The following DPP3 variants were observed in gnomAD, a reference collection of about 807,000 sequenced individuals.
DPP3 encodes dipeptidyl peptidase 3, also known as DPP III.
Under a neutral mutation model 89.8 loss-of-function variants are expected in DPP3, and 64 were observed. That is an observed-to-expected ratio of 0.71 (90% CI 0.58 to 0.88). The LOEUF (loss-of-function observed/expected upper bound fraction) is 0.88, where lower values mean the gene tolerates loss of function less well. Among genes scored for constraint, DPP3 ranks in the 40% least tolerant of loss-of-function variants. The pLI is 0.00. For synonymous variants in DPP3, 377 were observed against 404.3 expected (o/e 0.93, Z 0.81); for missense variants, 835 against 972.5 (o/e 0.86, Z 1.88).
chr11:66,506,925 C>T (rs1469045654), intron 17 of DPP3, among the ~76,000 whole-genome samples: 1 of 151,986 alleles, frequency 6.6e-6, no homozygotes, highest in African/African-American at 2.4e-5. Context: ...GCCCATCACG[C>T]TTGCCCATTT....
intron 16 of DPP3, among the ~76,000 whole-genome samples, chr11:66,502,623 G>A (rs1435838775): frequency 2.0e-5 from 3 of 151,998 alleles, no homozygotes; most frequent in Non-Finnish European, 2.9e-5. Flanking sequence ...GCACCCGCCT[G>A]GCTAATTTTT....
chr11:66,493,705 G>GTGAAGC (rs1413286033), intron 12 of DPP3, 72 bp downstream of exon 12: 1 of 1,474,180 alleles, frequency 6.8e-7, no homozygotes, highest in African/African-American at 1.4e-5. Flanking sequence ...CTACCCAGCG[G>GTGAAGC]TGAAGCTGCT....
At chr11:66,483,125 C>T (rs1445587555) in intron 2 of DPP3, 1 of 151,680 alleles carries the variant, frequency 6.6e-6, no homozygotes, top group Non-Finnish European at 1.5e-5. Flanking sequence ...CTCCCAGGTT[C>T]AAGCACTTCT....
intron 15 of DPP3, among the ~76,000 whole-genome samples, chr11:66,496,407 A>C (rs1855536929): frequency 7.1e-6 from 1 of 140,390 alleles, no homozygotes; most frequent in African/African-American, 2.7e-5. Flanking sequence ...ACACCCGGCT[A>C]ATTTTTTGTA....
At chr11:66,488,283 C>T (rs553650307) in intron 6 of DPP3, among the ~76,000 whole-genome samples, 11 of 152,316 alleles carry the variant, frequency 7.2e-5, no homozygotes, top group African/African-American at 2.6e-4. Context: ...CCCTTCAGGC[C>T]GGGCATGGCA....
chr11:66,495,548 G>A (rs540001484), intron 14 of DPP3, 59 bp downstream of exon 14: 137 of 1,611,890 alleles, frequency 8.5e-5, no homozygotes, highest in African/African-American at 3.2e-4. Context: ...CCCTGGGGGC[G>A]TGGAGGGTGG....
At chr11:66,485,904 C>T in intron 3 of DPP3, among the ~76,000 whole-genome samples, 1 of 147,960 alleles carries the variant, frequency 6.8e-6, no homozygotes, top group East Asian at 1.9e-4. Flanking sequence ...CAGCACCACA[C>T]CAGCTAAATT....
At chr11:66,506,159 C>A (rs982462622) in intron 17 of DPP3, among the ~76,000 whole-genome samples, 2 of 152,116 alleles carry the variant, frequency 1.3e-5, no homozygotes, top group Non-Finnish European at 2.9e-5. Flanking sequence ...ACTATGTTGG[C>A]TAGGCTGGTC....
intron 1 of DPP3, among the ~76,000 whole-genome samples, chr11:66,481,647 A>T (rs1855084673): frequency 6.6e-6 from 1 of 151,636 alleles, no homozygotes; most frequent in African/African-American, 2.4e-5. Context: ...AGTTAGAGTC[A>T]ATCAATTTTT....
At chr11:66,497,621 T>A (rs1855573195) in intron 16 of DPP3, 144 bp downstream of exon 16, 1 of 1,214,028 alleles carries the variant, frequency 8.2e-7, no homozygotes, top group Non-Finnish European at 1.1e-6. Context: ...GCGCACCGGG[T>A]GCCTCACGCC....
intron 17 of DPP3, among the ~76,000 whole-genome samples, chr11:66,505,116 GGGGGTCAGGTGAGGA>G (rs759657934): frequency 1.3e-5 from 2 of 152,200 alleles, no homozygotes; most frequent in Non-Finnish European, 2.9e-5. Context: ...TACCCAGGCT[GGGGGTCAGGTGAGGA>G]GGGAGCTGGG....
At chr11:66,489,086 A>C (rs1330475017) in intron 6 of DPP3, among the ~76,000 whole-genome samples, 1 of 152,158 alleles carries the variant, frequency 6.6e-6, no homozygotes, top group Non-Finnish European at 1.5e-5. Context: ...GCTGGTCCTG[A>C]ACTCCTGACC....
At position 66,491,468 on chromosome 11, in the gene DPP3, G is replaced by A. The variant is rs199927340; in HGVS notation, c.799-26G>A. On this transcript the variant is annotated intron_variant, in intron 7 of 17. Coordinates refer to ENST00000531863, the MANE Select transcript of DPP3 (RefSeq NM_130443.4). ...GTGTGGAGGTGGGTGGGTGGCCCGA[G>A]GCTGACCGACCCCCGCTCACCTCAG... 4.9e-5 allele frequency: 79 copies of A among 1,597,250 alleles called. No individual in the cohort carries two copies. In the East Asian group the frequency reaches 5.8e-4, roughly 12 times the overall value.
chr11:66,486,967 T>C (rs1855246648), intron 4 of DPP3, among the ~76,000 whole-genome samples: 1 of 151,966 alleles, frequency 6.6e-6, no homozygotes, highest in Admixed American at 6.6e-5. Flanking sequence ...GAGGAGGGGA[T>C]GGCAGGGAAG....
rs181596308 is a variant in DPP3, at chr11:66,504,716, G to A, written c.1983G>A (p.Thr661=). ...AGTGCTTCCTCACCCTCAGGGACACGGTGCTGCTGCGTAAGGAATCTCGGA... is the reference window on the plus strand; with the variant it reads ...AGTGCTTCCTCACCCTCAGGGACACAGTGCTGCTGCGTAAGGAATCTCGGA... ...PPECFLTLRD[T]VLLRKESRKL... The change falls in exon 17 of 18, where the codon ACG becomes ACA. Residue 661 remains threonine, a synonymous_variant. Transcript: ENST00000531863. The A allele has an allele frequency of 1.1e-5, 18 of 1,613,140 alleles. No individual in the cohort carries two copies. Among genetic ancestry groups the A allele is most frequent in the African/African-American group, 9.3e-5 (7 of 74,956 alleles).
At chr11:66,494,135 T>C (rs1187907451) in intron 12 of DPP3, among the ~76,000 whole-genome samples, 2 of 152,084 alleles carry the variant, frequency 1.3e-5, no homozygotes, top group Non-Finnish European at 1.5e-5. Context: ...GAGCCACTTC[T>C]CCCCAGAGCA....
chr11:66,482,298 A>G lies in DPP3; in HGVS notation c.98A>G (p.Tyr33Cys), dbSNP rs756979162. 3.7e-6 allele frequency: 6 copies of G among 1,613,980 alleles called. No individual in the cohort carries two copies. Among genetic ancestry groups the G allele is most frequent in the African/African-American group, 1.3e-5 (1 of 74,930 alleles). Residue 33 changes from tyrosine to cysteine, a missense_variant, in exon 2 of 18, where the codon TAT (tyrosine) becomes TGT (cysteine). Tyr to Cys is a radical substitution (Grantham distance 194). Transcript: ENST00000531863. ...CTGCTGTCACCCACAGAGCGCCTCTATGCCTACCACCTGTCCCGTGCCGCC... is the reference window on the plus strand; with the variant it reads ...CTGCTGTCACCCACAGAGCGCCTCTGTGCCTACCACCTGTCCCGTGCCGCC... ...FRLLSPTERLYAYHLSRAAWY... is the reference protein window; with the variant it reads ...FRLLSPTERLCAYHLSRAAWY...
rs202132055 is a variant in DPP3 at position 66,485,190 on chromosome 11, C to T, written c.288C>T (p.Ala96=). The change falls in exon 3 of 18, where the codon GCC becomes GCT. Residue 96 remains alanine, a synonymous_variant. Transcript: ENST00000531863. ...EEEYQAFLVY[A]AGVYSNMGNY... is the part of the protein sequence containing the mutation. ...CCCCTCAGGCGTTCCTGGTCTATGC[C>T]GCGGGTGTTTACTCCAACATGGGCA... is the stretch of plus-strand genomic sequence containing the variant. 17 of 1,613,962 alleles carry T rather than the reference C, an allele frequency of 1.1e-5. 1 individual carries two copies. The highest frequency in any genetic ancestry group is 2.2e-5 in the East Asian group (1 of 44,900).
At position 66,491,330 on chromosome 11, in the gene DPP3, G is replaced by C; in HGVS notation, c.745G>C (p.Gly249Arg). The change falls in exon 7 of 18, where the codon GGG becomes CGG. Residue 249 changes from glycine (G) to arginine (R), a missense_variant. By Grantham distance (125) the Gly-to-Arg change is moderately radical. Transcript: ENST00000531863. ...GGGAAGCCCTTTCCAGGTGACCCGG[G>C]GGGACTACGCGCCCATCCTCCAGAA... Reference protein sequence around the residue: ...FRGSPFQVTRGDYAPILQKVV... With the variant: ...FRGSPFQVTRRDYAPILQKVV... 6.2e-7 allele frequency: 1 copy of C among 1,614,060 alleles called. No homozygotes were observed. Among genetic ancestry groups the C allele is most frequent in the East Asian group, 2.2e-5 (1 of 44,846 alleles).
Sources: gnomAD v4.1 joint callset for allele counts (sites outside exome capture counted in the v4.1 genomes callset) on GRCh38, gnomAD v4.1.1 for gene constraint, MANE v1.5 for transcripts, NCBI Gene and HGNC (gene_info 2026-07-23, HGNC 2026-07-21) for gene names.